The following PCDH11X variants were observed in gnomAD, a reference collection of about 807,000 sequenced individuals.
The protein encoded by PCDH11X is protocadherin 11 X-linked.
A neutral mutation model predicts 53.3 loss-of-function variants in PCDH11X; 18 were observed. The ratio of observed to expected loss-of-function variants is 0.34; its 90% CI spans 0.23 to 0.50. The LOEUF (loss-of-function observed/expected upper bound fraction) is 0.50. Ranked by LOEUF, PCDH11X falls within the 20% of genes least tolerant of loss-of-function variation. The probability of loss-of-function intolerance (pLI) is 0.98; values close to 1 mark genes in which losing one functional copy is unlikely to be tolerated. For missense variants in PCDH11X, 570 were observed against 1,032.4 expected (o/e 0.55, Z 6.14); for synonymous variants, 279 against 393.3 (o/e 0.71, Z 3.44).
At chrX:92,142,145 A>AATT (rs1168717921) in intron 6 of PCDH11X, among the ~76,000 whole-genome samples, 1 of 107,065 alleles carries the variant, frequency 9.3e-6, no homozygotes, top group African/African-American at 3.5e-5. Context: ...ACAAGTGCTA[A>AATT]ATTATTATTA....
At chrX:92,293,569 G>T (rs1603258473) in intron 8 of PCDH11X, among the ~76,000 whole-genome samples, 1 of 105,222 alleles carries the variant, frequency 9.5e-6, no homozygotes, top group Non-Finnish European at 1.9e-5. Context: ...CTGGCAGTAA[G>T]CCGAGATCGC....
intron 7 of PCDH11X, among the ~76,000 whole-genome samples, chrX:92,235,300 A>G (rs1411352438): frequency 9.0e-6 from 1 of 111,174 alleles, no homozygotes; most frequent in Non-Finnish European, 1.9e-5. Flanking sequence ...GTTGCACTGA[A>G]TTATAGCTGT....
intron 6 of PCDH11X, among the ~76,000 whole-genome samples, chrX:92,126,710 A>AGTGTGTGT (rs71913292): frequency 7.0e-5 from 7 of 100,594 alleles, no homozygotes; most frequent in African/African-American, 1.8e-4. Flanking sequence ...ATATGTGGGG[A>AGTGTGTGT]GTGTGTGTGT....
chrX:92,460,629 C>G (rs879174548), intron 9 of PCDH11X: 13 of 842,469 alleles, frequency 1.5e-5, no homozygotes, highest in South Asian at 2.1e-5. Context: ...GAGAACAACC[C>G]GAGGGAGGTG....
chrX:92,095,855 GAGA>G (rs1488739654), intron 6 of PCDH11X, among the ~76,000 whole-genome samples: 3 of 111,818 alleles, frequency 2.7e-5, no homozygotes, highest in Non-Finnish European at 5.6e-5. Flanking sequence ...AAAAATCTTA[GAGA>G]AGTTATTTAA....
chrX:92,056,426 A>G (rs1177743195), intron 6 of PCDH11X, among the ~76,000 whole-genome samples: 1 of 111,593 alleles, frequency 9.0e-6, no homozygotes, highest in Non-Finnish European at 1.9e-5. Context: ...TACATGCTGT[A>G]TATTAGACCT....
At chrX:92,398,009 A>G (rs1307055448) in intron 9 of PCDH11X, among the ~76,000 whole-genome samples, 1 of 110,710 alleles carries the variant, frequency 9.0e-6, no homozygotes, top group Non-Finnish European at 1.9e-5. Context: ...ATTAAATCCA[A>G]ATATTGAAAT....
Position 92,300,072 on chromosome X carries a change from C to T in PCDH11X, c.3144+36929C>T, listed in dbSNP as rs781121653. On this transcript the variant is annotated intron_variant, in intron 8 of 10. Coordinates refer to ENST00000682573, the MANE Select transcript of PCDH11X (RefSeq NM_032968.5). Reference sequence around the variant, plus strand: ...TTAATTTCATTGTTTACTCCAAAGTCATTCAGGAGCAAGTTGTTTAACTTC... The same window carrying T: ...TTAATTTCATTGTTTACTCCAAAGTTATTCAGGAGCAAGTTGTTTAACTTC... Among the ~76,000 whole-genome samples the T allele has an allele frequency of 2.2e-4, 23 of 106,283 alleles. No homozygotes were observed. In the South Asian group the frequency reaches 5.7e-3, roughly 26 times the overall value. 92.3% of individuals were successfully genotyped at this position (106,283 alleles called of 115,157 possible). A position where few individuals can be genotyped will look rare whatever the true frequency, so the allele number is the denominator to read the frequency against.
intron 6 of PCDH11X, among the ~76,000 whole-genome samples, chrX:92,117,117 G>A (rs1232066483): frequency 1.7e-4 from 18 of 107,699 alleles, no homozygotes; most frequent in African/African-American, 5.8e-4. Flanking sequence ...CTTTAAACTT[G>A]TAAAGGGTAG....
intron 8 of PCDH11X, among the ~76,000 whole-genome samples, chrX:92,334,027 G>A (rs1196769795): frequency 6.3e-5 from 7 of 111,128 alleles, no homozygotes; most frequent in Non-Finnish European, 5.7e-5. Flanking sequence ...CCAGTTATAC[G>A]TTGATTTTTT....
intron 6 of PCDH11X, among the ~76,000 whole-genome samples, chrX:92,106,436 A>G (rs1355403144): frequency 3.6e-5 from 4 of 111,894 alleles, no homozygotes; most frequent in African/African-American, 1.3e-4. Context: ...CAAAGTAATT[A>G]TTGCAAATTT....
At chrX:92,442,201 G>A (rs1279863487) in intron 9 of PCDH11X, among the ~76,000 whole-genome samples, 3 of 110,459 alleles carry the variant, frequency 2.7e-5, no homozygotes, top group Non-Finnish European at 3.8e-5. Context: ...AGGGACTTGC[G>A]TTTTCATGGA....
chrX:92,507,956 G>A (rs1381004822), intron 10 of PCDH11X, among the ~76,000 whole-genome samples: 1 of 109,217 alleles, frequency 9.2e-6, no homozygotes, highest in African/African-American at 3.3e-5. Context: ...GGGATTACAG[G>A]CGCCCGCCAC....
At chrX:91,846,705 G>A (rs1405859123) in intron 5 of PCDH11X, among the ~76,000 whole-genome samples, 1 of 111,163 alleles carries the variant, frequency 9.0e-6, no homozygotes, top group Non-Finnish European at 1.9e-5. Context: ...TGTTGCTGCT[G>A]TTAAGTTTCC....
intron 9 of PCDH11X, among the ~76,000 whole-genome samples, chrX:92,423,064 A>T (rs1300919035): frequency 3.9e-5 from 4 of 102,370 alleles, no homozygotes; most frequent in Non-Finnish European, 8.3e-5. Context: ...GTTAGCCAGG[A>T]TGGTCTTGAT....
chrX:91,964,555 A>C lies in PCDH11X; in HGVS notation c.3033+85282A>C, dbSNP rs182410598. On this transcript the variant is annotated intron_variant, in intron 6 of 10. Coordinates refer to ENST00000682573, the MANE Select transcript of PCDH11X (RefSeq NM_032968.5). Reference sequence around the variant, plus strand: ...CCTTAGTTATTATGGCTGCATGAAGATCAAGATCACTTAGGAAGAAAACCA... The same window carrying C: ...CCTTAGTTATTATGGCTGCATGAAGCTCAAGATCACTTAGGAAGAAAACCA... Among the ~76,000 whole-genome samples the C allele has an allele frequency of 3.4e-3, 383 of 112,406 alleles. 1 individual carries two copies. Among genetic ancestry groups the C allele is most frequent in the African/African-American group, 0.012 (367 of 30,940 alleles).
intron 6 of PCDH11X, among the ~76,000 whole-genome samples, chrX:92,029,790 AT>A (rs1479217420): frequency 3.6e-5 from 4 of 111,857 alleles, no homozygotes; most frequent in African/African-American, 1.3e-4. Flanking sequence ...CTTAATGAAC[AT>A]TGCATTTGAA....
At chrX:91,909,595 A>T (rs1285215012) in intron 6 of PCDH11X, among the ~76,000 whole-genome samples, 1 of 108,113 alleles carries the variant, frequency 9.2e-6, no homozygotes, top group African/African-American at 3.4e-5. Flanking sequence ...CAGGCTAAAA[A>T]TTTTTTATTT....
At position 91,940,336 on chromosome X, in the gene PCDH11X, A is replaced by G. The variant is rs1369755987; in HGVS notation, c.3033+61063A>G. ...AGTTTCAGGTATTTATAGTAACGCAAGAACAGCCTTAACACACTGTATTAT... is the reference window on the plus strand; with the variant it reads ...AGTTTCAGGTATTTATAGTAACGCAGGAACAGCCTTAACACACTGTATTAT... On this transcript the variant is annotated intron_variant, in intron 6 of 10. Transcript: ENST00000682573. Among the ~76,000 whole-genome samples, 6 of 111,541 alleles carry G rather than the reference A, an allele frequency of 5.4e-5. No individual in the cohort carries two copies. The South Asian group carries it at 2.3e-3, about 42-fold the overall frequency.
Sources: gnomAD v4.1 joint callset for allele counts (sites outside exome capture counted in the v4.1 genomes callset) on GRCh38, gnomAD v4.1.1 for gene constraint, MANE v1.5 for transcripts, NCBI Gene and HGNC (gene_info 2026-07-23, HGNC 2026-07-21) for gene names.